Variants in PDE4D observed in about 807,000 individuals in gnomAD.
PDE4D encodes the protein 3',5'-cyclic-AMP phosphodiesterase 4D.
PDE4D carries 24 observed loss-of-function variants against 87.4 expected under a neutral mutation model. The observed-to-expected ratio is 0.27, with a 90% CI of 0.20 to 0.39. PDE4D has a LOEUF of 0.39. PDE4D is among the 10% of genes least tolerant of loss of function. The pLI is 1.00. For synonymous variants in PDE4D, 384 were observed against 383.2 expected (o/e 1.00, Z -0.02); for missense variants, 714 against 1,041.0 (o/e 0.69, Z 4.32).
intron 1 of PDE4D, among the ~76,000 whole-genome samples, chr5:60,366,611 T>C (rs1246626539): frequency 2.0e-5 from 3 of 152,110 alleles, no homozygotes; most frequent in Non-Finnish European, 4.4e-5. Flanking sequence ...TACTAGCCCT[T>C]TGTGTGAAAG....
chr5:59,406,576 G>A (rs1165145130), intron 1 of PDE4D, among the ~76,000 whole-genome samples: 1 of 152,078 alleles, frequency 6.6e-6, no homozygotes, highest in Non-Finnish European at 1.5e-5. Flanking sequence ...TTTTAGTAGA[G>A]ATGGGATTTC....
Position 60,128,167 on chromosome 5 carries a change from C to A in PDE4D, c.42+57390G>T, listed in dbSNP as rs868361989. Among the ~76,000 whole-genome samples, 5 of 152,210 alleles carry A rather than the reference C, an allele frequency of 3.3e-5. No individual in the cohort carries two copies. In the Middle Eastern group the frequency reaches 0.014, roughly 414 times the overall value. On this transcript the variant is annotated intron_variant, in intron 2 of 16. Coordinates refer to the PDE4D transcript ENST00000502484. ...TGGGATAACTTATCCAAAACTGTAA[C>A]CCTAAGTCAGTAAAGATGATCTTGG...
chr5:59,560,297 C>T (rs561147674), intron 1 of PDE4D, among the ~76,000 whole-genome samples: 6 of 152,146 alleles, frequency 3.9e-5, no homozygotes, highest in African/African-American at 7.2e-5. Context: ...GAACCCACTA[C>T]ACGCATTATC....
At chr5:60,023,392 A>G (rs2152854260) in intron 2 of PDE4D, among the ~76,000 whole-genome samples, 1 of 152,262 alleles carries the variant, frequency 6.6e-6, no homozygotes, top group Non-Finnish European at 1.5e-5. Context: ...GAACTTGCTC[A>G]TAGCTGCCTG....
At chr5:60,222,115 T>G (rs1176517628) in intron 1 of PDE4D, among the ~76,000 whole-genome samples, 1 of 152,046 alleles carries the variant, frequency 6.6e-6, no homozygotes, top group Non-Finnish European at 1.5e-5. Context: ...AACTATGGAG[T>G]ATGACTTTTG....
intron 1 of PDE4D, among the ~76,000 whole-genome samples, chr5:59,851,817 T>C (rs1443812460): frequency 6.6e-6 from 1 of 151,972 alleles, no homozygotes; most frequent in African/African-American, 2.4e-5. Context: ...AACACCAGTC[T>C]GTCAGTCACA....
chr5:59,269,521 C>T (rs989258866), intron 1 of PDE4D, among the ~76,000 whole-genome samples: 2 of 152,044 alleles, frequency 1.3e-5, no homozygotes, highest in African/African-American at 2.4e-5. Context: ...TATAGAGATA[C>T]AGAATACACA....
At chr5:60,485,731 C>T (rs1001449298) in intron 1 of PDE4D, among the ~76,000 whole-genome samples, 1 of 152,116 alleles carries the variant, frequency 6.6e-6, no homozygotes, top group African/African-American at 2.4e-5. Flanking sequence ...CTTTCCCCAC[C>T]ATGCCTTGCC....
intron 3 of PDE4D, among the ~76,000 whole-genome samples, chr5:59,959,692 A>T (rs934984495): frequency 6.6e-6 from 1 of 151,816 alleles, no homozygotes; most frequent in East Asian, 1.9e-4. Context: ...CTACCTCTTA[A>T]CTCAGGATGG....
chr5:59,116,054 T>C (rs1442410904), intron 5 of PDE4D, among the ~76,000 whole-genome samples: 1 of 152,156 alleles, frequency 6.6e-6, no homozygotes, highest in Non-Finnish European at 1.5e-5. Flanking sequence ...GCTGTAGTCC[T>C]AATAAATATA....
chr5:60,228,224 CAT>C (rs1035965046), intron 1 of PDE4D, among the ~76,000 whole-genome samples: 6 of 152,060 alleles, frequency 3.9e-5, no homozygotes, highest in Non-Finnish European at 5.9e-5. Flanking sequence ...CACATGAACA[CAT>C]ATATTTATTT....
At chr5:59,381,616 G>A (rs1785882581) in intron 1 of PDE4D, among the ~76,000 whole-genome samples, 2 of 152,036 alleles carry the variant, frequency 1.3e-5, no homozygotes, top group South Asian at 4.2e-4. Flanking sequence ...CAATAATAAA[G>A]CCGTGGTCCT....
intron 1 of PDE4D, among the ~76,000 whole-genome samples, chr5:59,762,787 A>T (rs1272640501): frequency 2.1e-5 from 3 of 145,172 alleles, no homozygotes; most frequent in Non-Finnish European, 3.0e-5. Context: ...ATACACACAC[A>T]TATTTTATAT....
chr5:60,481,474 C>T (rs925228674), intron 1 of PDE4D, among the ~76,000 whole-genome samples: 3 of 152,076 alleles, frequency 2.0e-5, no homozygotes, highest in Non-Finnish European at 4.4e-5. Context: ...ATGTTAGATG[C>T]ACCATTTGCT....
chr5:60,107,508 T>C (rs1266068799), intron 2 of PDE4D, among the ~76,000 whole-genome samples: 3 of 152,210 alleles, frequency 2.0e-5, no homozygotes, highest in Admixed American at 1.3e-4. Context: ...ACTCATTTGA[T>C]GAGGCCAGCA....
intron 2 of PDE4D, among the ~76,000 whole-genome samples, chr5:59,200,323 A>ATACATATGTGTATGTACAGC (rs1746871129): frequency 8.6e-6 from 1 of 116,402 alleles, no homozygotes; most frequent in Non-Finnish European, 1.8e-5. Context: ...ACACGTATAC[A>ATACATATGTGTATGTACAGC]TACACGTGTA....
chr5:60,178,907 T>A (rs1301698794), intron 2 of PDE4D, among the ~76,000 whole-genome samples: 2 of 152,138 alleles, frequency 1.3e-5, no homozygotes, highest in African/African-American at 4.8e-5. Flanking sequence ...TGGTATACAG[T>A]TCCGTGGGAT....
chr5:60,179,404 T>C (rs958216679), intron 2 of PDE4D, among the ~76,000 whole-genome samples: 1 of 152,080 alleles, frequency 6.6e-6, no homozygotes, highest in Non-Finnish European at 1.5e-5. Context: ...GACTTAAAGG[T>C]TTTGGCGCAG....
intron 1 of PDE4D, among the ~76,000 whole-genome samples, chr5:59,671,279 C>T (rs1007655647): frequency 6.6e-6 from 1 of 152,012 alleles, no homozygotes; most frequent in African/African-American, 2.4e-5. Flanking sequence ...ATCCAAATAG[C>T]AACTCAGGCA....
Sources: gnomAD v4.1 joint callset for allele counts (sites outside exome capture counted in the v4.1 genomes callset) on GRCh38, gnomAD v4.1.1 for gene constraint, MANE v1.5 for transcripts, NCBI Gene and HGNC (gene_info 2026-07-23, HGNC 2026-07-21) for gene names.